MAPK14: variants seen among roughly 807,000 people sequenced by gnomAD.
The protein encoded by MAPK14 is mitogen-activated protein kinase 14.
A neutral mutation model predicts 49.6 loss-of-function variants in MAPK14; 16 were observed. The observed-to-expected ratio is 0.32, with a 90% CI of 0.22 to 0.49. The LOEUF (loss-of-function observed/expected upper bound fraction) is 0.49. Ranked by LOEUF, MAPK14 falls within the 20% of genes least tolerant of loss-of-function variation. The pLI, the probability that MAPK14 is intolerant of heterozygous loss-of-function variation, is 0.99. For missense variants in MAPK14, 200 were observed against 441.2 expected, an observed-to-expected ratio of 0.45 and a Z score of 4.90; for synonymous variants, 142 against 158.0, an observed-to-expected ratio of 0.90 and a Z score of 0.76.
chr6:36,059,269 AT>A lies in MAPK14; in HGVS notation c.247-15del. 2 of 1,513,118 alleles carry A rather than the reference AT, an allele frequency of 1.3e-6. No individual in the cohort carries two copies. The highest frequency in any genetic ancestry group is 1.8e-6 in the Non-Finnish European group (2 of 1,092,956). 93.7% of individuals were successfully genotyped at this position (1,513,118 alleles called of 1,614,324 possible). A position where few individuals can be genotyped will look rare whatever the true frequency, so the allele number is the denominator to read the frequency against. On this transcript the variant is annotated intron_variant, in intron 2 of 11. Transcript: ENST00000229794. ...GAGTTTAATATTTATTTACTTTTTA[AT>A]TTTTATATTTTCTTACAGGTGATTG...
At position 36,096,079 on chromosome 6, in the gene MAPK14, T is replaced by C. The variant is rs202121265; in HGVS notation, c.762+13T>C. 1.8e-5 allele frequency: 29 copies of C among 1,596,826 alleles called. No homozygotes were observed. In the South Asian group the frequency reaches 2.6e-4, roughly 15 times the overall value. The stretch of plus-strand genomic sequence containing the variant: ...CTCCTCAGAGTCTGTGAGTTGATGC[T>C]TTGTAATTATCTGCCCTGTTGGGAG... On this transcript the variant is annotated intron_variant, in intron 9 of 11. Transcript: ENST00000229794.
chr6:36,034,517 T>TA (rs758459971), intron 1 of MAPK14, among the ~76,000 whole-genome samples: 54 of 152,230 alleles, frequency 3.5e-4, no homozygotes, highest in Admixed American at 5.9e-4. Context: ...GAGGTATAAT[T>TA]ACTGCAGTGC....
chr6:36,108,472 C>T lies in MAPK14; in HGVS notation c.*25C>T, dbSNP rs199550505. 26 of 1,587,306 alleles carry T rather than the reference C, an allele frequency of 1.6e-5. No individual in the cohort carries two copies. In the East Asian group the frequency reaches 5.6e-4, roughly 34 times the overall value. On this transcript the variant is annotated 3_prime_UTR_variant, in exon 12 of 12. Coordinates refer to ENST00000229794, the MANE Select transcript of MAPK14 (RefSeq NM_139012.3). The stretch of plus-strand genomic sequence containing the variant: ...AGCACCTGGTTTCTGTTCTGTTGAT[C>T]CCACTTCACTGTGAGGGGAAGGCCT...
At chr6:36,106,441 T>C (rs578099743) in intron 10 of MAPK14, among the ~76,000 whole-genome samples, 55 of 152,146 alleles carry the variant, frequency 3.6e-4, no homozygotes, top group Non-Finnish European at 7.2e-4. Flanking sequence ...TGGCCCCTAA[T>C]TGAATCCTGG....
intron 8 of MAPK14, 143 bp from the exon 9 acceptor site, chr6:36,095,844 G>C: frequency 1.7e-6 from 1 of 605,226 alleles, no homozygotes. Context: ...CCTTGACCTA[G>C]AGGGATTCAC....
chr6:36,050,868 G>A (rs538040378), intron 1 of MAPK14, among the ~76,000 whole-genome samples: 3 of 152,252 alleles, frequency 2.0e-5, no homozygotes, highest in Non-Finnish European at 4.4e-5. Flanking sequence ...TGGAGGGGAG[G>A]TTCAGAAAAG....
chr6:36,056,779 G>T (rs1188403368), intron 2 of MAPK14, among the ~76,000 whole-genome samples: 1 of 152,158 alleles, frequency 6.6e-6, no homozygotes, highest in East Asian at 1.9e-4. Context: ...GAGGAGATGG[G>T]CATCTCAGAT....
chr6:36,094,568 G>A (rs925423787), intron 8 of MAPK14, among the ~76,000 whole-genome samples: 4 of 152,216 alleles, frequency 2.6e-5, no homozygotes, highest in East Asian at 3.8e-4. Flanking sequence ...TTCCTATAAC[G>A]TAGGCACCTG....
At chr6:36,100,272 G>T in intron 9 of MAPK14, 1 of 1,607,090 alleles carries the variant, frequency 6.2e-7, no homozygotes, top group Non-Finnish European at 8.5e-7. Context: ...CATGAGGTGA[G>T]AACAAAGAGA....
chr6:36,075,601 C>G (rs1296652854), intron 6 of MAPK14, among the ~76,000 whole-genome samples: 1 of 152,146 alleles, frequency 6.6e-6, no homozygotes, highest in Non-Finnish European at 1.5e-5. Context: ...GACGTAAGTT[C>G]TCATTGCACT....
At chr6:36,084,873 C>T (rs1400557375) in intron 8 of MAPK14, among the ~76,000 whole-genome samples, 1 of 152,080 alleles carries the variant, frequency 6.6e-6, no homozygotes, top group East Asian at 1.9e-4. Flanking sequence ...GATACATAAT[C>T]ATCAGATTCT....
chr6:36,055,198 C>G (rs905537683), intron 2 of MAPK14, among the ~76,000 whole-genome samples: 1 of 152,218 alleles, frequency 6.6e-6, no homozygotes, highest in Non-Finnish European at 1.5e-5. Flanking sequence ...CAGCTGCATC[C>G]TTTGCTGTCT....
chr6:36,063,121 C>T (rs1763893460), intron 3 of MAPK14, among the ~76,000 whole-genome samples: 1 of 151,894 alleles, frequency 6.6e-6, no homozygotes, highest in Non-Finnish European at 1.5e-5. Flanking sequence ...GAGTATACTT[C>T]CACAAACCTA....
chr6:36,053,629 A>AAC (rs1763482937), intron 2 of MAPK14, among the ~76,000 whole-genome samples: 1 of 152,334 alleles, frequency 6.6e-6, no homozygotes, highest in Admixed American at 6.5e-5. Context: ...GCATTGTGGA[A>AAC]ACAATGGCCA....
At chr6:36,064,338 G>T (rs1448441689) in intron 3 of MAPK14, among the ~76,000 whole-genome samples, 1 of 138,504 alleles carries the variant, frequency 7.2e-6, no homozygotes, top group African/African-American at 2.7e-5. Flanking sequence ...AGAATTTTTT[G>T]ATTCCTCCTG....
At chr6:36,051,742 TCTTA>T (rs767372016) in intron 1 of MAPK14, among the ~76,000 whole-genome samples, 30 of 152,208 alleles carry the variant, frequency 2.0e-4, no homozygotes, top group Non-Finnish European at 3.7e-4. Flanking sequence ...TGCTTCAGTT[TCTTA>T]CTTGTAAGTG....
At chr6:36,115,034 G>A (rs899026819), downstream of MAPK14, among the ~76,000 whole-genome samples, 14 of 152,210 alleles carry the variant, frequency 9.2e-5, no homozygotes, top group African/African-American at 3.4e-4. Context: ...CAACTGGGGA[G>A]AGAGCTTCTG....
intron 1 of MAPK14, among the ~76,000 whole-genome samples, chr6:36,047,731 G>A (rs1763235817): frequency 6.8e-6 from 1 of 147,044 alleles, no homozygotes; most frequent in African/African-American, 2.6e-5. Context: ...GCCCATGCCT[G>A]ACTAATTTTT....
At chr6:36,059,682 T>C (rs1763731253) in intron 3 of MAPK14, among the ~76,000 whole-genome samples, 1 of 152,058 alleles carries the variant, frequency 6.6e-6, no homozygotes, top group Non-Finnish European at 1.5e-5. Flanking sequence ...GTTGTTGTTG[T>C]TGTTGTTTTT....
Sources: allele counts gnomAD v4.1 joint callset (sites outside exome capture counted in the v4.1 genomes callset), GRCh38; gene constraint gnomAD v4.1.1; transcripts MANE v1.5; gene names NCBI Gene and HGNC (gene_info 2026-07-23, HGNC 2026-07-21).